TTN: variants seen among roughly 807,000 people sequenced by gnomAD.
TTN encodes the protein connectin.
TTN carries 1,525 observed loss-of-function variants against 3,223.0 expected under a neutral mutation model. The observed-to-expected ratio is 0.47, with a 90% CI of 0.45 to 0.49. TTN has a LOEUF of 0.49. Among genes scored for constraint, TTN ranks in the 20% least tolerant of loss-of-function variants. TTN has a pLI of 0.00. For synonymous variants in TTN, 14,094 were observed against 15,161.0 expected, an observed-to-expected ratio of 0.93 and a Z score of 5.17; for missense variants, 40,786 against 43,424.0, an observed-to-expected ratio of 0.94 and a Z score of 5.40.
At position 178,614,295 on chromosome 2, in the gene TTN, A is replaced by G. The variant is rs747260539; in HGVS notation, c.49102T>C (p.Cys16368Arg). 5.0e-6 allele frequency: 8 copies of G among 1,612,782 alleles called. No individual in the cohort carries two copies. The Admixed American group carries it at 5.0e-5, about 10-fold the overall frequency. Residue 16368 changes from cysteine (C) to arginine (R), a missense_variant, in exon 262 of 363, where the codon TGT (cysteine) becomes CGT (arginine). Coordinates refer to ENST00000589042, the MANE Select transcript of TTN (RefSeq NM_001267550.2). Reference sequence around the variant, plus strand: ...CGTGGTGGGTTCCATGTTAGAAGACATGACTCATTGGTTACATCTGTGATG... The same window carrying G: ...CGTGGTGGGTTCCATGTTAGAAGACGTGACTCATTGGTTACATCTGTGATG... ...FDITDVTNESCLLTWNPPRDD... is the reference protein window; with the variant it reads ...FDITDVTNESRLLTWNPPRDD...
intron 281 of TTN, 95 bp from the exon 282 acceptor site, chr2:178,604,400 G>A (rs536157564): frequency 6.7e-6 from 7 of 1,043,620 alleles, no homozygotes; most frequent in Non-Finnish European, 9.0e-6. Flanking sequence ...AGGGATGACT[G>A]TAAGAAGAAA....
At chr2:178,625,782 C>G (rs1163682541) in intron 240 of TTN, among the ~76,000 whole-genome samples, 1 of 151,852 alleles carries the variant, frequency 6.6e-6, no homozygotes, top group African/African-American at 2.4e-5. Context: ...AGACTTGGAA[C>G]CAACCCAAAT....
In TTN at chr2:178,672,040, G is replaced by T; in HGVS notation, c.35158C>A (p.His11720Asn). 6.2e-7 allele frequency: 1 copy of T among 1,611,058 alleles called. No individual in the cohort carries two copies. Among genetic ancestry groups the T allele is most frequent in the South Asian group, 1.1e-5 (1 of 90,186 alleles). Residue 11720 changes from histidine (H) to asparagine (N), a missense_variant, in exon 155 of 363, where the codon CAT (histidine) becomes AAT (asparagine). Coordinates refer to ENST00000589042, the MANE Select transcript of TTN (RefSeq NM_001267550.2). The part of the protein sequence containing the change: ...VEEEHRVEKV[H>N]RVIEVFEAEE... The stretch of plus-strand genomic sequence containing the variant: ...GCCTCAAAAACTTCTATTACCCTAT[G>T]AACTTTTTCAACTCTGTGTTCTTCT...
At chr2:178,618,942 G>A in intron 250 of TTN, 89 bp from the exon 251 acceptor site, 1 of 1,495,418 alleles carries the variant, frequency 6.7e-7, no homozygotes, top group Non-Finnish European at 8.9e-7. Flanking sequence ...GAAAATATTG[G>A]TTACATAACC....
chr2:178,673,678 C>A lies in TTN; in HGVS notation c.34741G>T (p.Ala11581Ser). The stretch of plus-strand genomic sequence containing the variant: ...ACTTTTTTAGGAACAGGAGTAGGTG[C>A]TTCAGGTACTGCTTTCTTAATCACT... ...PEVIKKAVPE[A>S]PTPVPKKVEA... is the part of the protein sequence containing the mutation. Residue 11581 changes from alanine (A) to serine (S), a missense_variant, in exon 152 of 363, where the codon GCA (alanine) becomes TCA (serine). Transcript: ENST00000589042. 1 of 1,590,742 alleles carries A rather than the reference C, an allele frequency of 6.3e-7. No homozygotes were observed. Among genetic ancestry groups the A allele is most frequent in the Non-Finnish European group, 8.5e-7 (1 of 1,170,980 alleles).
rs941805455 is a variant in TTN at position 178,773,663 on chromosome 2, C to T, written c.7393G>A (p.Glu2465Lys). Residue 2465 changes from glutamate (E) to lysine (K), a missense_variant, in exon 32 of 363, where the codon GAA (glutamate) becomes AAA (lysine). Coordinates refer to ENST00000589042, the MANE Select transcript of TTN (RefSeq NM_001267550.2). ...NVIEGTKAVL[E>K]CKVSVPDVTS... Reference sequence around the variant, plus strand: ...ACATCAGGGACTGACACCTTACATTCAAGCACAGCCTTGGTGCCTTCAATC... The same window carrying T: ...ACATCAGGGACTGACACCTTACATTTAAGCACAGCCTTGGTGCCTTCAATC... The T allele has an allele frequency of 2.5e-6, 4 of 1,613,916 alleles. No homozygotes were observed. Among genetic ancestry groups the T allele is most frequent in the Admixed American group, 3.3e-5 (2 of 59,978 alleles).
chr2:178,750,851 T>G, intron 47 of TTN: 1 of 1,613,142 alleles, frequency 6.2e-7, no homozygotes. Context: ...TGTGGATGAC[T>G]CTCCAATTGT....
chr2:178,578,531 G>A lies in TTN; in HGVS notation c.68329+80C>T, dbSNP rs192428132. 1.3e-4 allele frequency: 140 copies of A among 1,064,474 alleles called. No homozygotes were observed. In the East Asian group the frequency reaches 2.8e-3, roughly 21 times the overall value. The allele number at this position is 1,064,474 out of a possible 1,614,324, so 65.9% of individuals were successfully genotyped here. A position where few individuals can be genotyped will look rare whatever the true frequency, so the allele number is the denominator to read the frequency against. On this transcript the variant is annotated intron_variant, in intron 321 of 362. Coordinates refer to ENST00000589042, the MANE Select transcript of TTN (RefSeq NM_001267550.2). ...TATAAGCAGATAATGTTATCGATAA[G>A]CACATGTTCAACTGTTCTCAGGGAA...
chr2:178,584,168 A>C (rs1038649322), intron 311 of TTN, 108 bp downstream of exon 311: 1 of 1,286,254 alleles, frequency 7.8e-7, no homozygotes, highest in African/African-American at 1.5e-5. Flanking sequence ...TAATCTTCAG[A>C]TCTCTACTAC....
rs776757434 is a variant in TTN, at chr2:178,589,477, C to T, written c.62248G>A (p.Gly20750Arg). ...EFRVQTKNEG[G>R]ESDWVKTEEV... ...TCTGTCTTCACCCAGTCACTTTCCC[C>T]ACCTTCATTCTTTGTTTGCACTCTG... The change falls in exon 304 of 363, where the codon GGG (glycine) becomes AGG (arginine). Residue 20750 changes from glycine (G) to arginine (R), a missense_variant. Physicochemically the swap from Gly to Arg is moderately radical, Grantham distance 125. Transcript: ENST00000589042. 6.2e-7 allele frequency: 1 copy of T among 1,613,398 alleles called. No homozygotes were observed. Among genetic ancestry groups the T allele is most frequent in the Non-Finnish European group, 8.5e-7 (1 of 1,179,626 alleles).
rs758907753 is a variant in TTN, at chr2:178,604,666, T to C, written c.54381+42A>G. ...TTAAAATGGCATCAAACCAGAGTCA[T>C]GTACTTTTAATGTGTATAAGAAAAT... On this transcript the variant is annotated intron_variant, in intron 281 of 362. Coordinates refer to ENST00000589042, the MANE Select transcript of TTN (RefSeq NM_001267550.2). 1.8e-5 allele frequency: 27 copies of C among 1,531,636 alleles called. No individual in the cohort carries two copies. The East Asian group carries it at 3.9e-4, about 22-fold the overall frequency. 94.9% of individuals were successfully genotyped at this position (1,531,636 alleles called of 1,614,324 possible). A position where few individuals can be genotyped will look rare whatever the true frequency, so the allele number is the denominator to read the frequency against.
intron 189 of TTN, 122 bp downstream of exon 189, chr2:178,657,375 CA>C: frequency 4.5e-6 from 1 of 220,016 alleles, no homozygotes; most frequent in Middle Eastern, 2.3e-3. Context: ...TAACAACCTG[CA>C]CGTTGTGCAC....
Position 178,698,918 on chromosome 2 carries a change from AAAAAAAAAAAAAAG to A in TTN, c.30683-18_30683-5del. ...TTCTTCACAGCCTTTTTGGTAACTA[AAAAAAAAAAAAAAG>A]AAAAAAAAAGAAAAAATATTTCTGG... On this transcript the variant is annotated splice_polypyrimidine_tract_variant and splice_region_variant and intron_variant, in intron 111 of 362. Transcript: ENST00000589042. 2.7e-6 allele frequency: 2 copies of A among 735,614 alleles called. No homozygotes were observed. Among genetic ancestry groups the A allele is most frequent in the Non-Finnish European group, 3.7e-6 (2 of 537,440 alleles). 45.6% of individuals were successfully genotyped at this position (735,614 alleles called of 1,614,324 possible). A position where few individuals can be genotyped will look rare whatever the true frequency, so the allele number is the denominator to read the frequency against.
In TTN at chr2:178,573,067, G is replaced by A; in HGVS notation, c.73065C>T (p.Ile24355=). 1 of 1,613,248 alleles carries A rather than the reference G, an allele frequency of 6.2e-7. No homozygotes were observed. The highest frequency in any genetic ancestry group is 8.5e-7 in the Non-Finnish European group (1 of 1,179,520). The change falls in exon 326 of 363, where the codon ATC becomes ATT. Residue 24355 remains isoleucine, a synonymous_variant. Coordinates refer to ENST00000589042, the MANE Select transcript of TTN (RefSeq NM_001267550.2). ...NKPIYDGGSE[I]TGYMVEIALP... is the part of the protein sequence containing the mutation. ...GGGCAATCTCAACCATATACCCAGT[G>A]ATTTCTGAACCACCATCATAGATAG...
chr2:178,787,212 C>G (rs1307321111), intron 13 of TTN, among the ~76,000 whole-genome samples: 2 of 151,974 alleles, frequency 1.3e-5, no homozygotes, highest in Non-Finnish European at 2.9e-5. Flanking sequence ...ATTCTCTGAA[C>G]CATTCAAGAT....
intron 24 of TTN, 46 bp from the exon 25 acceptor site, chr2:178,778,021 C>T (rs142360859): frequency 1.1e-5 from 17 of 1,594,022 alleles, no homozygotes; most frequent in Non-Finnish European, 1.3e-5. Context: ...ATAAAGAAAA[C>T]TCAGCAAAAC....
At position 178,582,491 on chromosome 2, in the gene TTN, T is replaced by C. The variant is rs1183678109; in HGVS notation, c.65965A>G (p.Thr21989Ala). The change falls in exon 314 of 363, where the codon ACC (threonine) becomes GCC (alanine). Residue 21989 changes from threonine (T) to alanine (A), a missense_variant. By Grantham distance (58) the Thr-to-Ala change is moderately conservative. Coordinates refer to ENST00000589042, the MANE Select transcript of TTN (RefSeq NM_001267550.2). The part of the protein sequence containing the change: ...PPLEDGGSEI[T>A]NYIVDKRETS... ...TCACGTTTGTCAACAATATAGTTGG[T>C]GATTTCTGAGCCTCCATCTTCAAGA... The C allele has an allele frequency of 6.2e-7, 1 of 1,612,918 alleles. No homozygotes were observed. The highest frequency in any genetic ancestry group is 1.1e-5 in the South Asian group (1 of 91,030).
Position 178,675,765 on chromosome 2 carries a change from A to ATTATT in TTN, c.34454-16_34454-12dup, listed in dbSNP as rs776035952. On this transcript the variant is annotated splice_polypyrimidine_tract_variant and intron_variant, in intron 148 of 362. Transcript: ENST00000589042. The stretch of plus-strand genomic sequence containing the variant: ...TAGGTACCACAGACACTTTAAAAAT[A>ATTATT]TTATTTTATTTTATAAGTTCAGTTT... The ATTATT allele has an allele frequency of 5.4e-6, 8 of 1,483,454 alleles. No individual in the cohort carries two copies. In the South Asian group the frequency reaches 1.1e-4, roughly 20 times the overall value. 91.9% of individuals were successfully genotyped at this position (1,483,454 alleles called of 1,614,324 possible).
rs370768049 is a variant in TTN, at chr2:178,569,180, A to G, written c.76952T>C (p.Val25651Ala). Residue 25651 changes from valine (V) to alanine (A), a missense_variant, in exon 326 of 363, where the codon GTT becomes GCT. By Grantham distance (64) the Val-to-Ala change is moderately conservative. Coordinates refer to ENST00000589042, the MANE Select transcript of TTN (RefSeq NM_001267550.2). ...AGAATTCTTATGGCAGTTAGTTACA[A>G]CAGCAGCATATGATTTTCTTGTGGC... Reference protein sequence around the residue: ...REATRKSYAAVVTNCHKNSWK... With the variant: ...REATRKSYAAAVTNCHKNSWK... 12 of 1,612,074 alleles carry G rather than the reference A, an allele frequency of 7.4e-6. No homozygotes were observed. The Middle Eastern group carries it at 4.9e-4, about 66-fold the overall frequency.
Sources: allele counts gnomAD v4.1 joint callset (sites outside exome capture counted in the v4.1 genomes callset), GRCh38; gene constraint gnomAD v4.1.1; transcripts MANE v1.5; gene names NCBI Gene and HGNC (gene_info 2026-07-23, HGNC 2026-07-21).